Variants in RBP2 observed in about 807,000 individuals in gnomAD.
The protein encoded by RBP2 is retinol-binding protein 2.
Under a neutral mutation model 17.0 loss-of-function variants are expected in RBP2, and 17 were observed. The observed-to-expected ratio is 1.00, with a 90% CI of 0.68 to 1.50. The LOEUF (loss-of-function observed/expected upper bound fraction) is 1.50, where lower values mean the gene tolerates loss of function less well. Among genes scored for constraint, RBP2 ranks in the 40% most tolerant of loss-of-function variants. The pLI is 0.00. For missense variants in RBP2, 158 were observed against 168.2 expected, an observed-to-expected ratio of 0.94 and a Z score of 0.33; for synonymous variants, 48 against 57.1, an observed-to-expected ratio of 0.84 and a Z score of 0.72.
At chr3:139,453,247 G>A in intron 3 of RBP2, 81 bp from the exon 4 acceptor site, 2 of 1,526,608 alleles carry the variant, frequency 1.3e-6, no homozygotes, top group Non-Finnish European at 1.8e-6. Context: ...GGTATCTGGG[G>A]GTGGGAGGTT....
rs1463340121 is a variant in RBP2 at position 139,476,479 on chromosome 3, G to A, written c.-20C>T. 1.2e-6 allele frequency: 2 copies of A among 1,612,032 alleles called. No homozygotes were observed. The highest frequency in any genetic ancestry group is 2.7e-5 in the African/African-American group (2 of 74,850). ...TGTCATGGTGGTGGCCACTGGTTCGGTGAGGGTTTGTGGTGGATGGCAAGG... is the reference window on the plus strand; with the variant it reads ...TGTCATGGTGGTGGCCACTGGTTCGATGAGGGTTTGTGGTGGATGGCAAGG... On this transcript the variant is annotated 5_prime_UTR_variant, in exon 1 of 4. Coordinates refer to ENST00000232217, the MANE Select transcript of RBP2 (RefSeq NM_004164.3).
chr3:139,470,344 T>C (rs568955920), intron 1 of RBP2, among the ~76,000 whole-genome samples: 11 of 152,144 alleles, frequency 7.2e-5, no homozygotes, highest in Admixed American at 5.2e-4. Flanking sequence ...ATCTGCAAAA[T>C]ATATGCTGAA....
intron 3 of RBP2, 106 bp from the exon 4 acceptor site, chr3:139,453,272 A>T (rs932623162): frequency 1.0e-5 from 13 of 1,273,556 alleles, no homozygotes; most frequent in Non-Finnish European, 1.5e-5. Context: ...TAAAGAGGAC[A>T]CTTAGGTATT....
chr3:139,462,558 A>AACACACACACACACACAC (rs59601422), intron 1 of RBP2, among the ~76,000 whole-genome samples: 1,972 of 121,324 alleles, frequency 0.016, 62 homozygotes, highest in Middle Eastern at 0.039. Context: ...GCAGCTCCCC[A>AACACACACACACACACAC]ACACACACAC....
At chr3:139,456,524 A>G (rs1232853017) in intron 2 of RBP2, among the ~76,000 whole-genome samples, 1 of 152,222 alleles carries the variant, frequency 6.6e-6, no homozygotes, top group Non-Finnish European at 1.5e-5. Flanking sequence ...GCAGTCATTG[A>G]AAGAATATAG....
rs1933741130 is a variant in RBP2 at position 139,476,438 on chromosome 3, TTC to T, written c.20_21del (p.Gly7AspfsTer7). 1.2e-6 allele frequency: 2 copies of T among 1,613,890 alleles called. No individual in the cohort carries two copies. The highest frequency in any genetic ancestry group is 2.2e-5 in the South Asian group (2 of 91,034). ...TTTTCATTACTCTCCATCTCCCAGG[TTC>T]CATTCTGGTCCCTTGTCATGGTGGT... is the stretch of plus-strand genomic sequence containing the variant. MTRDQN[G>X]TWEMESNENF... On this transcript the variant is annotated frameshift_variant, in exon 1 of 4. Coordinates refer to ENST00000232217, the MANE Select transcript of RBP2 (RefSeq NM_004164.3). LOFTEE classifies it high-confidence loss of function.
In RBP2 at chr3:139,463,151, G is replaced by A. The variant is rs553200907; in HGVS notation, c.74-861C>T. On this transcript the variant is annotated intron_variant, in intron 1 of 3. Transcript: ENST00000232217. ...CCTGGCCCCCAAGGTAGTTTTAAAC[G>A]TATTCTGGAAAATAAATATTTGTTC... 5.5e-4 allele frequency among the ~76,000 whole-genome samples: 84 copies of A among 152,038 alleles called. 1 individual carries two copies. The highest frequency in any genetic ancestry group is 2.0e-3 in the African/African-American group (81 of 41,488).
At chr3:139,459,089 C>T (rs934316151) in intron 2 of RBP2, among the ~76,000 whole-genome samples, 15 of 152,130 alleles carry the variant, frequency 9.9e-5, no homozygotes, top group African/African-American at 3.1e-4. Flanking sequence ...TCCACACTGC[C>T]GAGTGGGGAG....
intron 2 of RBP2, among the ~76,000 whole-genome samples, chr3:139,455,762 T>C (rs897516887): frequency 6.6e-6 from 1 of 152,158 alleles, no homozygotes; most frequent in African/African-American, 2.4e-5. Context: ...GTGGACCTTC[T>C]GGTTCTTGGG....
intron 2 of RBP2, among the ~76,000 whole-genome samples, chr3:139,458,743 G>A (rs6771831): frequency 0.53 from 81,242 of 151,978 alleles, 24,646 homozygotes; most frequent in East Asian, 0.92. Flanking sequence ...CACTTAGCTC[G>A]TTTTCCAGGT....
At chr3:139,457,046 G>A (rs1275617345) in intron 2 of RBP2, among the ~76,000 whole-genome samples, 1 of 152,182 alleles carries the variant, frequency 6.6e-6, no homozygotes, top group Non-Finnish European at 1.5e-5. Context: ...CTCACTCCCA[G>A]ATTGCCTCAC....
At chr3:139,470,955 C>T (rs957118472) in intron 1 of RBP2, among the ~76,000 whole-genome samples, 3 of 152,024 alleles carry the variant, frequency 2.0e-5, no homozygotes, top group Non-Finnish European at 2.9e-5. Flanking sequence ...TACTAGTCAG[C>T]GTTCAAACCT....
At chr3:139,453,327 G>A (rs976405143) in intron 3 of RBP2, among the ~76,000 whole-genome samples, 161 bp from the exon 4 acceptor site, 5 of 152,218 alleles carry the variant, frequency 3.3e-5, no homozygotes, top group South Asian at 2.1e-4. Context: ...GGCATGCCCT[G>A]CAGGTAGCAG....
intron 2 of RBP2, among the ~76,000 whole-genome samples, chr3:139,460,972 T>G (rs1933166572): frequency 6.6e-6 from 1 of 152,206 alleles, no homozygotes; most frequent in South Asian, 2.1e-4. Context: ...GCCGGGAACC[T>G]TCCCAAATCT....
intron 2 of RBP2, among the ~76,000 whole-genome samples, chr3:139,457,427 T>C (rs1933010255): frequency 6.6e-6 from 1 of 152,254 alleles, no homozygotes; most frequent in South Asian, 2.1e-4. Context: ...GCTTAGCAAA[T>C]TTTATGGAAG....
intron 2 of RBP2, among the ~76,000 whole-genome samples, chr3:139,455,827 T>C (rs1431835035): frequency 6.6e-6 from 1 of 152,150 alleles, no homozygotes; most frequent in Non-Finnish European, 1.5e-5. Context: ...CAGCAGAACA[T>C]GTGCTGAACA....
intron 1 of RBP2, among the ~76,000 whole-genome samples, chr3:139,463,046 TG>T (rs1933245557): frequency 6.6e-6 from 1 of 152,102 alleles, no homozygotes; most frequent in African/African-American, 2.4e-5. Context: ...TTGCCCAGGC[TG>T]GTCTCAAACT....
chr3:139,458,255 C>T (rs1039076275), intron 2 of RBP2, among the ~76,000 whole-genome samples: 1 of 152,000 alleles, frequency 6.6e-6, no homozygotes, highest in African/African-American at 2.4e-5. Flanking sequence ...TTCACATGCT[C>T]AACCCTCCTT....
At chr3:139,459,565 A>G (rs947046492) in intron 2 of RBP2, among the ~76,000 whole-genome samples, 1 of 150,860 alleles carries the variant, frequency 6.6e-6, no homozygotes, top group Admixed American at 6.6e-5. Context: ...GGAGGTTGCA[A>G]TGAGCCTAAA....
Sources: allele counts gnomAD v4.1 joint callset (sites outside exome capture counted in the v4.1 genomes callset), GRCh38; gene constraint gnomAD v4.1.1; transcripts MANE v1.5; gene names NCBI Gene and HGNC (gene_info 2026-07-23, HGNC 2026-07-21).